PHKB: variants seen among roughly 807,000 people sequenced by gnomAD.
PHKB encodes phosphorylase b kinase regulatory subunit beta.
In PHKB, 122 loss-of-function variants were observed where a neutral mutation model predicts 152.1. The observed-to-expected ratio is 0.80, with a 90% CI of 0.69 to 0.93. The LOEUF (loss-of-function observed/expected upper bound fraction) is 0.93. Ranked by LOEUF, PHKB falls within the 40% of genes least tolerant of loss-of-function variation. The pLI, the probability that PHKB is intolerant of heterozygous loss-of-function variation, is 0.00. For synonymous variants in PHKB, 436 were observed against 464.9 expected (o/e 0.94, Z 0.80); for missense variants, 1,304 against 1,328.4 (o/e 0.98, Z 0.29).
At chr16:47,588,116 T>C (rs1006291464) in intron 9 of PHKB, among the ~76,000 whole-genome samples, 3 of 152,172 alleles carry the variant, frequency 2.0e-5, no homozygotes, top group African/African-American at 7.2e-5. Context: ...TAACCTTCCA[T>C]TCCTTATTTC....
chr16:47,607,748 A>G (rs1396404100), intron 13 of PHKB, among the ~76,000 whole-genome samples: 1 of 152,202 alleles, frequency 6.6e-6, no homozygotes, highest in Non-Finnish European at 1.5e-5. Flanking sequence ...ATTTTGAGCA[A>G]CTTCCAGACT....
chr16:47,471,321 G>C (rs1969763451), intron 1 of PHKB, among the ~76,000 whole-genome samples: 1 of 152,166 alleles, frequency 6.6e-6, no homozygotes, highest in African/African-American at 2.4e-5. Context: ...GATGGGCAGG[G>C]TCTTGGGAGC....
chr16:47,611,024 C>T (rs971822342), intron 14 of PHKB, 104 bp downstream of exon 14: 46 of 740,728 alleles, frequency 6.2e-5, no homozygotes, highest in Admixed American at 1.4e-4. Flanking sequence ...TTCCTTCTGA[C>T]GGAAAGGTTT....
intron 8 of PHKB, among the ~76,000 whole-genome samples, chr16:47,580,833 A>T (rs952195007): frequency 1.3e-5 from 2 of 152,096 alleles, no homozygotes; most frequent in Non-Finnish European, 2.9e-5. Context: ...GGCTATAATC[A>T]AATGTCTAAA....
At chr16:47,631,958 C>T (rs1003315400) in intron 14 of PHKB, among the ~76,000 whole-genome samples, 1 of 152,148 alleles carries the variant, frequency 6.6e-6, no homozygotes, top group Non-Finnish European at 1.5e-5. Flanking sequence ...GTGGCTATTC[C>T]TCAAGGATCT....
chr16:47,623,951 G>GTAT (rs1160850128), intron 14 of PHKB, among the ~76,000 whole-genome samples: 1 of 152,110 alleles, frequency 6.6e-6, no homozygotes, highest in Non-Finnish European at 1.5e-5. Flanking sequence ...CTTAAGAATG[G>GTAT]TATTGAATTA....
intron 27 of PHKB, among the ~76,000 whole-genome samples, chr16:47,690,013 C>T (rs181953438): frequency 1.4e-4 from 22 of 152,260 alleles, no homozygotes; most frequent in Admixed American, 1.4e-3. Flanking sequence ...AAAAGAAGGA[C>T]TTGCCCTGCT....
At chr16:47,646,552 A>C (rs1973129032) in intron 16 of PHKB, among the ~76,000 whole-genome samples, 2 of 146,366 alleles carry the variant, frequency 1.4e-5, no homozygotes, top group South Asian at 4.2e-4. Context: ...AAACATTAAA[A>C]ATAAAAAATA....
At chr16:47,512,613 T>G (rs191062962) in intron 5 of PHKB, among the ~76,000 whole-genome samples, 1 of 152,192 alleles carries the variant, frequency 6.6e-6, no homozygotes, top group African/African-American at 2.4e-5. Context: ...TTTTGTCTTA[T>G]ATAATATATT....
At chr16:47,580,149 A>G (rs1971817621) in intron 7 of PHKB, 146 bp from the exon 8 acceptor site, 4 of 630,686 alleles carry the variant, frequency 6.3e-6, no homozygotes, top group African/African-American at 1.9e-5. Flanking sequence ...GAAATGTCAG[A>G]ATGAGGTCTC....
intron 3 of PHKB, among the ~76,000 whole-genome samples, chr16:47,500,660 C>T (rs970022241): frequency 3.3e-5 from 5 of 151,156 alleles, no homozygotes; most frequent in Non-Finnish European, 7.4e-5. Flanking sequence ...CATAGTATCT[C>T]TTATTAAGTT....
intron 7 of PHKB, among the ~76,000 whole-genome samples, chr16:47,550,633 A>G (rs533596086): frequency 6.6e-6 from 1 of 152,272 alleles, no homozygotes; most frequent in South Asian, 2.1e-4. Context: ...CACACTGAGT[A>G]CATCCCTTCT....
intron 29 of PHKB, among the ~76,000 whole-genome samples, chr16:47,697,143 G>A (rs1261658697): frequency 1.3e-5 from 2 of 152,102 alleles, no homozygotes; most frequent in Non-Finnish European, 2.9e-5. Flanking sequence ...TAGCTTATCC[G>A]CACTTTGTCT....
intron 20 of PHKB, among the ~76,000 whole-genome samples, chr16:47,652,974 G>C (rs1973266034): frequency 3.3e-5 from 5 of 151,806 alleles, no homozygotes; most frequent in Admixed American, 3.3e-4. Flanking sequence ...TTTCTTTGAT[G>C]CTTAGTGATA....
chr16:47,461,518 G>A, intron 1 of PHKB, 92 bp downstream of exon 1: 1 of 1,281,930 alleles, frequency 7.8e-7, no homozygotes, highest in Admixed American at 1.8e-5. Context: ...GGGGCCCTGG[G>A]AATGAACCTG....
intron 26 of PHKB, among the ~76,000 whole-genome samples, chr16:47,685,314 A>C (rs1184931236): frequency 6.6e-6 from 1 of 152,208 alleles, no homozygotes; most frequent in African/African-American, 2.4e-5. Flanking sequence ...AATCCCAGCT[A>C]CTCAGGAGAC....
At chr16:47,697,749 G>T (rs1974174492) in intron 29 of PHKB, among the ~76,000 whole-genome samples, 1 of 152,142 alleles carries the variant, frequency 6.6e-6, no homozygotes, top group Non-Finnish European at 1.5e-5. Flanking sequence ...ACCAATTATT[G>T]CATATGCAGA....
chr16:47,650,675 C>T, intron 19 of PHKB, 49 bp downstream of exon 19: 2 of 1,355,912 alleles, frequency 1.5e-6, no homozygotes, highest in African/African-American at 1.4e-5. Flanking sequence ...GACATGAACA[C>T]AGTGAGCCCT....
At chr16:47,698,113 C>G (rs183478302) in intron 29 of PHKB, among the ~76,000 whole-genome samples, 51 of 152,224 alleles carry the variant, frequency 3.4e-4, no homozygotes, top group African/African-American at 1.2e-3. Flanking sequence ...AGGATTGACA[C>G]CCAAAGGCCT....
Sources: allele counts gnomAD v4.1 joint callset (sites outside exome capture counted in the v4.1 genomes callset), GRCh38; gene constraint gnomAD v4.1.1; transcripts MANE v1.5; gene names NCBI Gene and HGNC (gene_info 2026-07-23, HGNC 2026-07-21).